GUCA1C: variants seen among roughly 807,000 people sequenced by gnomAD.
GUCA1C encodes the protein guanylate cyclase activator 1C.
In GUCA1C, 15 loss-of-function variants were observed where a neutral mutation model predicts 16.2. The ratio of observed to expected loss-of-function variants is 0.93; its 90% CI spans 0.62 to 1.43. GUCA1C has a LOEUF of 1.43. Ranked by LOEUF, GUCA1C falls within the 40% of genes most tolerant of loss-of-function variation. GUCA1C has a pLI of 0.00. For missense variants in GUCA1C, 275 were observed against 244.8 expected (o/e 1.12, Z -0.82); for synonymous variants, 78 against 85.4 (o/e 0.91, Z 0.48).
At chr3:108,926,490 GT>G (rs111499259) in intron 1 of GUCA1C, among the ~76,000 whole-genome samples, 1 of 151,812 alleles carries the variant, frequency 6.6e-6, no homozygotes, top group Admixed American at 6.6e-5. Flanking sequence ...TGAAGGTCTG[GT>G]TTTTTTTGAG....
At chr3:108,946,444 A>C (rs1436184060) in intron 1 of GUCA1C, among the ~76,000 whole-genome samples, 1 of 152,130 alleles carries the variant, frequency 6.6e-6, no homozygotes, top group Non-Finnish European at 1.5e-5. Context: ...CCTATGGTAC[A>C]TTTTGTTCTC....
At chr3:108,952,870 T>C (rs933848510) in intron 1 of GUCA1C, among the ~76,000 whole-genome samples, 3 of 152,128 alleles carry the variant, frequency 2.0e-5, no homozygotes, top group Non-Finnish European at 2.9e-5. Flanking sequence ...GTCTCTCTTT[T>C]TTTTTTCAAT....
At chr3:108,910,069 C>CT (rs1485256980) in intron 3 of GUCA1C, among the ~76,000 whole-genome samples, 1 of 152,212 alleles carries the variant, frequency 6.6e-6, no homozygotes, top group African/African-American at 2.4e-5. Context: ...CTTCCTTTAT[C>CT]TGATGTTCTT....
chr3:108,926,512 G>A (rs551051683), intron 1 of GUCA1C, among the ~76,000 whole-genome samples: 5 of 152,262 alleles, frequency 3.3e-5, no homozygotes, highest in South Asian at 2.1e-4. Flanking sequence ...ACGGAGTCTC[G>A]CTCTGTCCCC....
At chr3:108,932,302 G>T (rs985142744) in intron 1 of GUCA1C, among the ~76,000 whole-genome samples, 3 of 130,266 alleles carry the variant, frequency 2.3e-5, no homozygotes, top group African/African-American at 8.9e-5. Context: ...AATGAAACAT[G>T]CAGATTCCTA....
At chr3:108,943,421 C>T (rs971049366) in intron 1 of GUCA1C, among the ~76,000 whole-genome samples, 3 of 152,112 alleles carry the variant, frequency 2.0e-5, no homozygotes, top group East Asian at 1.9e-4. Flanking sequence ...AGAAGCCTGA[C>T]CCAGACTAAG....
chr3:108,925,047 C>T (rs1475686580), intron 1 of GUCA1C, among the ~76,000 whole-genome samples: 1 of 151,318 alleles, frequency 6.6e-6, no homozygotes, highest in Non-Finnish European at 1.5e-5. Flanking sequence ...TAGTTAATGG[C>T]CTGTCAATTT....
chr3:108,918,994 C>G (rs1946546024), intron 2 of GUCA1C, among the ~76,000 whole-genome samples: 1 of 152,092 alleles, frequency 6.6e-6, no homozygotes, highest in Admixed American at 6.5e-5. Context: ...GTAATGCTAA[C>G]TCTAAAACAA....
intron 1 of GUCA1C, among the ~76,000 whole-genome samples, chr3:108,940,776 C>T (rs1296051311): frequency 4.6e-5 from 7 of 152,158 alleles, no homozygotes; most frequent in African/African-American, 1.7e-4. Context: ...GACAAACATT[C>T]CATTCATTTG....
Position 108,953,711 on chromosome 3 carries a change from C to A in GUCA1C, c.52G>T (p.Glu18Ter), listed in dbSNP as rs143174402. 8.4e-3 allele frequency: 13,519 copies of A among 1,613,408 alleles called. 82 individuals are homozygous for A. The highest frequency in any genetic ancestry group is 0.011 in the Non-Finnish European group (12,611 of 1,179,356). ...AGDQKAVPTQ[E>*]THVWYRTFMM... ...AATGTTCTGTACCACACATGGGTCT[C>A]TTGTGTAGGAACTGCTTTCTGATCA... The change falls in exon 1 of 4, where the codon GAG (glutamate) becomes TAG (stop). Residue 18 changes from glutamate (E) to a stop codon, truncating the protein, a stop_gained. Coordinates refer to ENST00000261047, the MANE Select transcript of GUCA1C (RefSeq NM_005459.4). LOFTEE classifies it high-confidence loss of function.
chr3:108,943,409 A>T (rs1179146916), intron 1 of GUCA1C, among the ~76,000 whole-genome samples: 1 of 152,194 alleles, frequency 6.6e-6, no homozygotes, highest in Non-Finnish European at 1.5e-5. Flanking sequence ...GTATGTGGCC[A>T]GAGAAGCCTG....
chr3:108,934,808 C>CTTGTTTTTT, intron 1 of GUCA1C, among the ~76,000 whole-genome samples: 1 of 86,110 alleles, frequency 1.2e-5, no homozygotes, highest in Non-Finnish European at 2.0e-5. Context: ...TGTTCTTGAT[C>CTTGTTTTTT]TTTTTTTTTT....
intron 1 of GUCA1C, among the ~76,000 whole-genome samples, chr3:108,927,265 A>G (rs1946631307): frequency 6.6e-6 from 1 of 152,110 alleles, no homozygotes; most frequent in African/African-American, 2.4e-5. Flanking sequence ...TTGTATTTGG[A>G]TATCTAAATC....
intron 3 of GUCA1C, among the ~76,000 whole-genome samples, chr3:108,911,922 A>T (rs1310252152): frequency 6.6e-6 from 1 of 151,960 alleles, no homozygotes; most frequent in African/African-American, 2.4e-5. Flanking sequence ...CCTGGCCAAT[A>T]TGGTGAAACC....
intron 1 of GUCA1C, among the ~76,000 whole-genome samples, chr3:108,937,126 C>T (rs1249783178): frequency 6.6e-6 from 1 of 152,206 alleles, no homozygotes; most frequent in African/African-American, 2.4e-5. Context: ...CCAGCCTCAA[C>T]TGACCTTGTT....
At chr3:108,913,210 G>A (rs1452613259) in intron 3 of GUCA1C, among the ~76,000 whole-genome samples, 1 of 140,918 alleles carries the variant, frequency 7.1e-6, no homozygotes, top group Non-Finnish European at 1.5e-5. Context: ...TGATGTGCTT[G>A]CTTTTTATTT....
chr3:108,941,408 T>G (rs1054980504), intron 1 of GUCA1C, among the ~76,000 whole-genome samples: 3 of 152,238 alleles, frequency 2.0e-5, no homozygotes, highest in African/African-American at 7.2e-5. Flanking sequence ...CATTTGTGGT[T>G]TGAGTTCCAA....
At chr3:108,926,424 T>G (rs567905315) in intron 1 of GUCA1C, among the ~76,000 whole-genome samples, 78 of 152,352 alleles carry the variant, frequency 5.1e-4, no homozygotes, top group East Asian at 1.9e-3. Context: ...CCATCTATAT[T>G]CAATGTTAAT....
chr3:108,951,538 G>T (rs1946895697), intron 1 of GUCA1C, among the ~76,000 whole-genome samples: 1 of 152,186 alleles, frequency 6.6e-6, no homozygotes, highest in African/African-American at 2.4e-5. Flanking sequence ...CTGGACAGTT[G>T]CTAGTTTTAT....
Sources: allele counts gnomAD v4.1 joint callset (sites outside exome capture counted in the v4.1 genomes callset), GRCh38; gene constraint gnomAD v4.1.1; transcripts MANE v1.5; gene names NCBI Gene and HGNC (gene_info 2026-07-23, HGNC 2026-07-21).